The following SLC7A8 variants were observed in gnomAD, a reference collection of about 807,000 sequenced individuals.
SLC7A8 encodes large neutral amino acids transporter small subunit 2.
SLC7A8 carries 30 observed loss-of-function variants against 51.2 expected under a neutral mutation model. That is an observed-to-expected ratio of 0.59 (90% CI 0.44 to 0.80). SLC7A8 has a LOEUF of 0.80. SLC7A8 is among the 30% of genes least tolerant of loss of function. The pLI is 0.00. For synonymous variants in SLC7A8, 257 were observed against 275.8 expected (o/e 0.93, Z 0.67); for missense variants, 612 against 674.4 (o/e 0.91, Z 1.03).
chr14:23,174,070 A>T (rs961584414), intron 1 of SLC7A8, among the ~76,000 whole-genome samples: 3 of 152,238 alleles, frequency 2.0e-5, no homozygotes, highest in Admixed American at 1.3e-4. Context: ...TCTAAAGCCC[A>T]TCTTTTTCTA....
In SLC7A8 at chr14:23,129,655, T is replaced by C. The variant is rs1594814955; in HGVS notation, c.1258A>G (p.Ile420Val). ...RWKKPDIPRP[I>V]KINLLFPIIY... ...CCAAAGGGAGTTTCTCTCACCTTGATGGGGCGGGGGATATCAGGCTTCTTC... is the reference window on the plus strand; with the variant it reads ...CCAAAGGGAGTTTCTCTCACCTTGACGGGGCGGGGGATATCAGGCTTCTTC... Residue 420 changes from isoleucine (I) to valine (V), a missense_variant, in exon 9 of 11, where the codon ATC becomes GTC. Coordinates refer to ENST00000316902, the MANE Select transcript of SLC7A8 (RefSeq NM_012244.4). The C allele has an allele frequency of 6.2e-7, 1 of 1,613,780 alleles. No individual in the cohort carries two copies. Among genetic ancestry groups the C allele is most frequent in the Non-Finnish European group, 8.5e-7 (1 of 1,179,892 alleles).
At chr14:23,133,160 G>A (rs1427800907) in intron 7 of SLC7A8, among the ~76,000 whole-genome samples, 1 of 152,142 alleles carries the variant, frequency 6.6e-6, no homozygotes, top group Non-Finnish European at 1.5e-5. Context: ...TATCCTGTCT[G>A]GGCACGGTGG....
At chr14:23,137,213 C>G (rs912865217) in intron 7 of SLC7A8, among the ~76,000 whole-genome samples, 1 of 152,202 alleles carries the variant, frequency 6.6e-6, no homozygotes, top group South Asian at 2.1e-4. Flanking sequence ...GGACCTGGGA[C>G]TCGTGGACCC....
At chr14:23,177,284 C>T (rs777827283) in intron 1 of SLC7A8, among the ~76,000 whole-genome samples, 1 of 152,210 alleles carries the variant, frequency 6.6e-6, no homozygotes, top group Non-Finnish European at 1.5e-5. Flanking sequence ...AGACTGTAAC[C>T]TACTTTTGTA....
intron 3 of SLC7A8, among the ~76,000 whole-genome samples, chr14:23,158,762 T>A (rs550232167): frequency 6.6e-6 from 1 of 152,360 alleles, no homozygotes; most frequent in African/African-American, 2.4e-5. Context: ...TTAATCAATA[T>A]GTCCAGCTGA....
intron 7 of SLC7A8, among the ~76,000 whole-genome samples, chr14:23,136,435 C>T (rs1303023861): frequency 6.6e-6 from 1 of 152,204 alleles, no homozygotes; most frequent in Non-Finnish European, 1.5e-5. Context: ...TCACAAGAGA[C>T]AGTCCTTGCC....
Position 23,127,124 on chromosome 14 carries a change from G to A in SLC7A8, c.*53C>T. On this transcript the variant is annotated 3_prime_UTR_variant, in exon 11 of 11. Coordinates refer to ENST00000316902, the MANE Select transcript of SLC7A8 (RefSeq NM_012244.4). ...GCATGTGTTGGCAGGACCAAGGCAG[G>A]GAGGTAGGATAAAAGGGGGAGGAAG... The A allele has an allele frequency of 6.2e-7, 1 of 1,605,708 alleles. No homozygotes were observed. The highest frequency in any genetic ancestry group is 8.5e-7 in the Non-Finnish European group (1 of 1,173,672).
chr14:23,182,975 A>T lies in SLC7A8; in HGVS notation c.-61T>A. The stretch of plus-strand genomic sequence containing the variant: ...CCCTTTCTAAATGCGTATTCGTGTA[A>T]ATATATTGGGAGAGAGCTTTGAATT... On this transcript the variant is annotated 5_prime_UTR_variant, in exon 1 of 11. Transcript: ENST00000316902. 1 of 1,607,154 alleles carries T rather than the reference A, an allele frequency of 6.2e-7. No individual in the cohort carries two copies. The highest frequency in any genetic ancestry group is 1.1e-5 in the South Asian group (1 of 90,894).
In SLC7A8 at chr14:23,139,502, A is replaced by G. The variant is rs146757589; in HGVS notation, c.834T>C (p.Phe278=). The G allele has an allele frequency of 5.1e-5, 83 of 1,613,998 alleles. No individual in the cohort carries two copies. The highest frequency in any genetic ancestry group is 1.5e-4 in the Admixed American group (9 of 60,004). ...AIFISIPLVT[F]VYVFANVAYV... is the part of the protein sequence containing the mutation. ...AAGCGACATTGGCAAAGACATACAC[A>G]AATGTGACCAGTGGGATGGAGATGA... Residue 278 remains phenylalanine, a synonymous_variant, in exon 6 of 11, where the codon TTT becomes TTC. Coordinates refer to ENST00000316902, the MANE Select transcript of SLC7A8 (RefSeq NM_012244.4).
At chr14:23,157,643 G>GA (rs1318640243) in intron 3 of SLC7A8, among the ~76,000 whole-genome samples, 7 of 152,228 alleles carry the variant, frequency 4.6e-5, no homozygotes, top group Non-Finnish European at 1.0e-4. Flanking sequence ...CCTGTCCTCA[G>GA]ACCTTGACAC....
Position 23,165,033 on chromosome 14 carries a change from T to C in SLC7A8, c.508+252A>G, listed in dbSNP as rs2048942164. On this transcript the variant is annotated intron_variant, in intron 3 of 10. Transcript: ENST00000316902. This position sits in a 1 kb window ranked among gnomAD's most constrained non-coding sequence, Gnocchi z 4.2. The stretch of plus-strand genomic sequence containing the variant: ...AGAGAAGTTAGGAGAGTCAGAGACA[T>C]GTAGACCTCCAGGGAGGATAAAAGA... Among the ~76,000 whole-genome samples the C allele has an allele frequency of 1.4e-5, 2 of 147,652 alleles. No homozygotes were observed. Among genetic ancestry groups the C allele is most frequent in the African/African-American group, 2.5e-5 (1 of 39,896 alleles).
Position 23,140,463 on chromosome 14 carries a change from C to T in SLC7A8, c.788+8G>A. 1 of 1,591,668 alleles carries T rather than the reference C, an allele frequency of 6.3e-7. No homozygotes were observed. Among genetic ancestry groups the T allele is most frequent in the Non-Finnish European group, 8.6e-7 (1 of 1,162,582 alleles). On this transcript the variant is annotated splice_region_variant and intron_variant, in intron 5 of 10. Transcript: ENST00000316902. The stretch of plus-strand genomic sequence containing the variant: ...GGGAGAGGGAATAGCCAGGCTCTTT[C>T]AACTCACTTGTAGGGATCAACAAGC...
chr14:23,161,972 G>C (rs1418602990), intron 3 of SLC7A8, among the ~76,000 whole-genome samples: 2 of 148,028 alleles, frequency 1.4e-5, no homozygotes, highest in Non-Finnish European at 3.0e-5. Flanking sequence ...CTGACAGCTT[G>C]GTTCTTGTTT....
chr14:23,142,549 G>A (rs929317188), intron 4 of SLC7A8, among the ~76,000 whole-genome samples: 2 of 152,170 alleles, frequency 1.3e-5, no homozygotes, highest in African/African-American at 4.8e-5. Flanking sequence ...CGCCCAGGCT[G>A]GAGTGCAGTG....
chr14:23,147,408 G>A (rs967763942), intron 3 of SLC7A8, among the ~76,000 whole-genome samples: 1 of 152,202 alleles, frequency 6.6e-6, no homozygotes, highest in African/African-American at 2.4e-5. Context: ...ACGAGGTGAT[G>A]GCAAAGCTAT....
intron 3 of SLC7A8, among the ~76,000 whole-genome samples, chr14:23,151,538 A>G (rs1422589357): frequency 5.9e-5 from 9 of 151,986 alleles, no homozygotes; most frequent in East Asian, 1.9e-4. Flanking sequence ...GGGAGGATCA[A>G]TTGAGGCCAG....
Position 23,166,459 on chromosome 14 carries a change from A to G in SLC7A8, c.233T>C (p.Val78Ala), listed in dbSNP as rs768841180. 1.9e-6 allele frequency: 3 copies of G among 1,614,208 alleles called. No homozygotes were observed. The highest frequency in any genetic ancestry group is 2.2e-5 in the South Asian group (2 of 91,082). Residue 78 changes from valine (V) to alanine (A), a missense_variant, in exon 2 of 11, where the codon GTC becomes GCC. Coordinates refer to ENST00000316902, the MANE Select transcript of SLC7A8 (RefSeq NM_012244.4). ...TGTGATGAAGCCCGTCACAATCCAG[A>G]CGATGAGAGCAAGGCCCACAGAACC... is the stretch of plus-strand genomic sequence containing the variant. ...NAGSVGLALI[V>A]WIVTGFITVV...
chr14:23,127,784 G>C (rs2048592033), intron 10 of SLC7A8, among the ~76,000 whole-genome samples: 1 of 152,180 alleles, frequency 6.6e-6, no homozygotes, highest in South Asian at 2.1e-4. Flanking sequence ...GCCCAGCCCA[G>C]GTTGCCTATT....
At chr14:23,149,586 G>T (rs1456131133) in intron 3 of SLC7A8, among the ~76,000 whole-genome samples, 1 of 152,174 alleles carries the variant, frequency 6.6e-6, no homozygotes, top group East Asian at 1.9e-4. Context: ...TATCCCAAGA[G>T]TCCTGAGTCT....
Sources: allele counts gnomAD v4.1 joint callset (sites outside exome capture counted in the v4.1 genomes callset), GRCh38; gene constraint gnomAD v4.1.1; non-coding constraint Gnocchi (gnomAD v3.1); transcripts MANE v1.5; gene names NCBI Gene and HGNC (gene_info 2026-07-23, HGNC 2026-07-21).